Variants in ADAP2 observed in about 807,000 individuals in gnomAD.
ADAP2 encodes the protein arf-GAP with dual PH domain-containing protein 2.
In ADAP2, 42 loss-of-function variants were observed where a neutral mutation model predicts 54.9. That is an observed-to-expected ratio of 0.77 (90% confidence interval 0.60 to 0.99). ADAP2 has a LOEUF of 0.99. Among genes scored for constraint, ADAP2 ranks in the 50% least tolerant of loss-of-function variants. ADAP2 has a pLI of 0.00. For synonymous variants in ADAP2, 177 were observed against 180.1 expected (o/e 0.98, Z 0.14); for missense variants, 429 against 480.4 (o/e 0.89, Z 1.00).
chr17:30,954,268 T>C (rs1598058161), intron 8 of ADAP2: 2 of 515,480 alleles, frequency 3.9e-6, no homozygotes, highest in South Asian at 5.7e-5. Flanking sequence ...AAGGGTATGG[T>C]GGGGTTGGAA....
At chr17:30,923,215 A>C in intron 2 of ADAP2, 145 bp downstream of exon 2, 1 of 919,148 alleles carries the variant, frequency 1.1e-6, no homozygotes, top group South Asian at 1.5e-5. Context: ...ATAAGATGGC[A>C]GCTTAGACAG....
chr17:30,952,251 G>A lies in ADAP2; in HGVS notation c.742-1037G>A, dbSNP rs79610835. On this transcript the variant is annotated intron_variant, in intron 7 of 10. Coordinates refer to ENST00000330889, the MANE Select transcript of ADAP2 (RefSeq NM_018404.3). ...TCACACAGGGGAGACATAAGGCCTCGAGAGACAGAAGGTCTTAACAAAGGT... is the reference window on the plus strand; with the variant it reads ...TCACACAGGGGAGACATAAGGCCTCAAGAGACAGAAGGTCTTAACAAAGGT... 8.3e-3 allele frequency among the ~76,000 whole-genome samples: 1,258 copies of A among 152,330 alleles called. 9 individuals carry two copies. The highest frequency in any genetic ancestry group is 0.011 in the Non-Finnish European group (751 of 68,020).
At chr17:30,951,791 G>A (rs1014562393) in intron 7 of ADAP2, among the ~76,000 whole-genome samples, 1 of 151,740 alleles carries the variant, frequency 6.6e-6, no homozygotes, top group Non-Finnish European at 1.5e-5. Context: ...GAGTAGCTGG[G>A]ACTACAGGCG....
At chr17:30,951,934 C>T (rs1029812722) in intron 7 of ADAP2, among the ~76,000 whole-genome samples, 5 of 151,974 alleles carry the variant, frequency 3.3e-5, no homozygotes, top group Admixed American at 3.3e-4. Context: ...GGATTACAGG[C>T]GTGAGCCACT....
intron 6 of ADAP2, among the ~76,000 whole-genome samples, chr17:30,947,427 C>T (rs1418693491): frequency 6.6e-6 from 1 of 152,024 alleles, no homozygotes; most frequent in Non-Finnish European, 1.5e-5. Context: ...AATCTCGGCT[C>T]ACTGCAACCT....
intron 2 of ADAP2, among the ~76,000 whole-genome samples, chr17:30,924,370 C>CAAA (rs796527911): frequency 7.6e-6 from 1 of 131,038 alleles, no homozygotes; most frequent in African/African-American, 2.8e-5. Context: ...GACCCTACCT[C>CAAA]AAAAAAAAAA....
intron 10 of ADAP2, 139 bp downstream of exon 10, chr17:30,956,608 C>A: frequency 2.3e-6 from 2 of 861,582 alleles, no homozygotes; most frequent in Non-Finnish European, 1.8e-6. Context: ...TCTCTTCCTG[C>A]AAAAGAAAAG....
chr17:30,923,811 T>G (rs2142500410), intron 2 of ADAP2, among the ~76,000 whole-genome samples: 1 of 147,008 alleles, frequency 6.8e-6, no homozygotes, highest in South Asian at 2.3e-4. Context: ...GCAATTCTCC[T>G]GCCTCAGCCT....
intron 3 of ADAP2, among the ~76,000 whole-genome samples, chr17:30,931,227 G>A (rs971054433): frequency 6.6e-6 from 1 of 152,110 alleles, no homozygotes; most frequent in Non-Finnish European, 1.5e-5. Flanking sequence ...GCTGATACTG[G>A]GATTGGAACA....
At chr17:30,948,687 G>A (rs1311461679) in intron 6 of ADAP2, among the ~76,000 whole-genome samples, 3 of 152,226 alleles carry the variant, frequency 2.0e-5, no homozygotes, top group Non-Finnish European at 4.4e-5. Context: ...AGGTGGCCCA[G>A]GCTGCTGAGG....
intron 6 of ADAP2, among the ~76,000 whole-genome samples, chr17:30,946,842 G>GGACA (rs1912714714): frequency 6.6e-6 from 1 of 152,156 alleles, no homozygotes; most frequent in Non-Finnish European, 1.5e-5. Context: ...GCTGTAGGAA[G>GGACA]GACACTTGGC....
At chr17:30,927,671 G>A (rs1338869517) in intron 3 of ADAP2, among the ~76,000 whole-genome samples, 2 of 151,534 alleles carry the variant, frequency 1.3e-5, no homozygotes, top group African/African-American at 4.8e-5. Flanking sequence ...ACCTAAGCTC[G>A]GGCTGGCTCT....
chr17:30,940,062 A>G (rs549252738), intron 5 of ADAP2, among the ~76,000 whole-genome samples: 42 of 152,234 alleles, frequency 2.8e-4, no homozygotes, highest in African/African-American at 9.9e-4. Context: ...CCCAGGCTCA[A>G]GCGCTCCTTC....
chr17:30,935,575 C>T (rs1911811820), intron 5 of ADAP2, among the ~76,000 whole-genome samples: 1 of 152,042 alleles, frequency 6.6e-6, no homozygotes, highest in African/African-American at 2.4e-5. Flanking sequence ...TGTGCAGAAG[C>T]CCTGAGCACA....
Position 30,953,369 on chromosome 17 carries a change from T to C in ADAP2, c.804+19T>C, listed in dbSNP as rs2142591964. The C allele has an allele frequency of 6.2e-7, 1 of 1,610,898 alleles. No individual in the cohort carries two copies. Among genetic ancestry groups the C allele is most frequent in the Non-Finnish European group, 8.5e-7 (1 of 1,177,474 alleles). Reference sequence around the variant, plus strand: ...GCCAAAGGTACCTTCTATCACTCCCTGGGGAACTTAATATGGTTTAATGTA... The same window carrying C: ...GCCAAAGGTACCTTCTATCACTCCCCGGGGAACTTAATATGGTTTAATGTA... On this transcript the variant is annotated intron_variant, in intron 8 of 10. Transcript: ENST00000330889.
chr17:30,935,889 C>T (rs1911835486), intron 5 of ADAP2, among the ~76,000 whole-genome samples: 1 of 152,136 alleles, frequency 6.6e-6, no homozygotes, highest in Admixed American at 6.6e-5. Context: ...CATAGCAAGA[C>T]TTGGGATTTC....
intron 5 of ADAP2, 49 bp from the exon 6 acceptor site, chr17:30,944,858 A>G (rs778376150): frequency 2.1e-5 from 33 of 1,584,812 alleles, no homozygotes; most frequent in Non-Finnish European, 2.8e-5. Context: ...GTTGACCAGA[A>G]GTCACCCTGT....
rs189282001 is a variant in ADAP2 at position 30,941,999 on chromosome 17, G to C, written c.511-2908G>C. 3.6e-4 allele frequency among the ~76,000 whole-genome samples: 55 copies of C among 152,018 alleles called. No homozygotes were observed. The East Asian group carries it at 8.5e-3, about 23-fold the overall frequency. On this transcript the variant is annotated intron_variant, in intron 5 of 10. Coordinates refer to ENST00000330889, the MANE Select transcript of ADAP2 (RefSeq NM_018404.3). ...TGGCTCACTGCAGCCTCCGCCTCCTGGGGTCAAGCGATTCTCCTTCCTCAC... is the reference window on the plus strand; with the variant it reads ...TGGCTCACTGCAGCCTCCGCCTCCTCGGGTCAAGCGATTCTCCTTCCTCAC...
At chr17:30,928,659 G>A (rs1388104449) in intron 3 of ADAP2, among the ~76,000 whole-genome samples, 4 of 152,196 alleles carry the variant, frequency 2.6e-5, no homozygotes, top group Admixed American at 2.0e-4. Context: ...TACTGGTCTA[G>A]CCTGTCTGAC....
Sources: gnomAD v4.1 joint callset for allele counts (sites outside exome capture counted in the v4.1 genomes callset) on GRCh38, gnomAD v4.1.1 for gene constraint, MANE v1.5 for transcripts, NCBI Gene and HGNC (gene_info 2026-07-23, HGNC 2026-07-21) for gene names.